The following DOCK8 variants were observed in gnomAD, a reference collection of about 807,000 sequenced individuals.
DOCK8 encodes dedicator of cytokinesis protein 8.
In DOCK8, 141 loss-of-function variants were observed where a neutral mutation model predicts 245.6. The ratio of observed to expected loss-of-function variants is 0.57; its 90% CI spans 0.50 to 0.66. The LOEUF (loss-of-function observed/expected upper bound fraction) is 0.66, where lower values mean the gene tolerates loss of function less well. Ranked by LOEUF, DOCK8 falls within the 30% of genes least tolerant of loss-of-function variation. The pLI is 0.00. For missense variants in DOCK8, 2,965 were observed against 2,603.4 expected, an observed-to-expected ratio of 1.14 and a Z score of -3.02; for synonymous variants, 1,168 against 970.2, an observed-to-expected ratio of 1.20 and a Z score of -3.79.
intron 1 of DOCK8, among the ~76,000 whole-genome samples, chr9:248,542 T>G (rs2047567170): frequency 1.6e-5 from 1 of 64,354 alleles, no homozygotes; most frequent in Non-Finnish European, 3.7e-5. Flanking sequence ...TCTTTCTTTC[T>G]TTCTTTCTCT....
chr9:294,771 C>T (rs1319209669), intron 4 of DOCK8, among the ~76,000 whole-genome samples: 1 of 152,146 alleles, frequency 6.6e-6, no homozygotes, highest in Non-Finnish European at 1.5e-5. Context: ...CTGGTAAATC[C>T]ATACAATGGA....
At chr9:425,127 C>G (rs1220182467) in intron 33 of DOCK8, among the ~76,000 whole-genome samples, 1 of 152,024 alleles carries the variant, frequency 6.6e-6, no homozygotes, top group Non-Finnish European at 1.5e-5. Context: ...TTTTTCTTTA[C>G]TTTTTTAATG....
chr9:394,272 G>C (rs1262397288), intron 24 of DOCK8, among the ~76,000 whole-genome samples: 2 of 152,170 alleles, frequency 1.3e-5, no homozygotes, highest in African/African-American at 4.8e-5. Flanking sequence ...AAATCCATCA[G>C]GGAGCTGGGG....
intron 23 of DOCK8, among the ~76,000 whole-genome samples, chr9:388,334 A>C (rs941555648): frequency 1.3e-5 from 2 of 152,208 alleles, no homozygotes; most frequent in African/African-American, 4.8e-5. Flanking sequence ...GGTTTGACTA[A>C]CCTCACAAAA....
intron 1 of DOCK8, among the ~76,000 whole-genome samples, chr9:244,206 A>T (rs1563835626): frequency 6.6e-6 from 1 of 151,366 alleles, no homozygotes; most frequent in Non-Finnish European, 1.5e-5. Context: ...AAAAAAAAAA[A>T]AAATTTTAGC....
intron 9 of DOCK8, among the ~76,000 whole-genome samples, 163 bp downstream of exon 9, chr9:328,334 T>G (rs1012182376): frequency 2.0e-5 from 3 of 152,248 alleles, no homozygotes; most frequent in African/African-American, 4.8e-5. Context: ...AGTAAACTGT[T>G]TCAGATACTA....
rs1411275471 is a variant in DOCK8 at position 400,073 on chromosome 9, CCAT to C, written c.3234+817_3234+819del. ...ACCATCACCACCTCCTTCACCATCA[CCAT>C]CACCACCACCTCCACCATCACCACC... On this transcript the variant is annotated intron_variant, in intron 26 of 47. Coordinates refer to ENST00000432829, the MANE Select transcript of DOCK8 (RefSeq NM_203447.4). Among the ~76,000 whole-genome samples the C allele has an allele frequency of 4.5e-4, 45 of 100,208 alleles. 1 individual carries two copies. The highest frequency in any genetic ancestry group is 3.0e-3 in the South Asian group (8 of 2,628). The allele number at this position is 100,208 out of a possible 152,430, so 65.7% of individuals were successfully genotyped here. A position where few individuals can be genotyped will look rare whatever the true frequency, so the allele number is the denominator to read the frequency against.
upstream of DOCK8, chr9:214,654 TTCGGCCGGAGG>T: frequency 6.2e-7 from 1 of 1,608,082 alleles, no homozygotes; most frequent in Non-Finnish European, 8.5e-7. Context: ...CCGCGCTCCC[TTCGGCCGGAGG>T]TCGGCGGCCC....
chr9:382,123 T>G (rs1203023832), intron 21 of DOCK8, among the ~76,000 whole-genome samples: 1 of 152,246 alleles, frequency 6.6e-6, no homozygotes, highest in Non-Finnish European at 1.5e-5. Flanking sequence ...AAAACCTCAC[T>G]GCATGAATTG....
chr9:458,365 C>A (rs1177981793), intron 46 of DOCK8: 1 of 152,156 alleles, frequency 6.6e-6, no homozygotes, highest in East Asian at 1.9e-4. Flanking sequence ...ATCAGCGATC[C>A]CTACCTGCAT....
intron 29 of DOCK8, 91 bp from the exon 30 acceptor site, chr9:417,977 A>G: frequency 1.5e-5 from 23 of 1,545,990 alleles, no homozygotes; most frequent in Non-Finnish European, 2.0e-5. Context: ...TGCTGACTTT[A>G]GTGACTGAGA....
intron 2 of DOCK8, among the ~76,000 whole-genome samples, chr9:281,325 C>G (rs959750662): frequency 7.9e-5 from 12 of 152,036 alleles, no homozygotes; most frequent in African/African-American, 2.9e-4. Context: ...GATATGCATA[C>G]TCTGAAAAAT....
intron 1 of DOCK8, among the ~76,000 whole-genome samples, chr9:230,924 T>G (rs1356300061): frequency 6.6e-6 from 1 of 152,064 alleles, no homozygotes; most frequent in Non-Finnish European, 1.5e-5. Flanking sequence ...CATTTGTCAA[T>G]TGTGGCTTTT....
intron 5 of DOCK8, among the ~76,000 whole-genome samples, chr9:311,708 T>G (rs1365352307): frequency 6.6e-6 from 1 of 152,202 alleles, no homozygotes; most frequent in Non-Finnish European, 1.5e-5. Flanking sequence ...TCCTCAGGAC[T>G]GGTTTGTCTG....
At chr9:280,048 G>A (rs1201885377) in intron 2 of DOCK8, among the ~76,000 whole-genome samples, 2 of 152,226 alleles carry the variant, frequency 1.3e-5, no homozygotes, top group African/African-American at 4.8e-5. Context: ...TTCTGGGGTT[G>A]TAGGAATTTT....
chr9:405,999 A>C (rs1336820195), intron 27 of DOCK8, among the ~76,000 whole-genome samples: 1 of 152,180 alleles, frequency 6.6e-6, no homozygotes, highest in Non-Finnish European at 1.5e-5. Context: ...GGAGTGGCCA[A>C]ACCCAGGGGC....
chr9:241,922 G>C (rs1450891230), intron 1 of DOCK8, among the ~76,000 whole-genome samples: 1 of 152,152 alleles, frequency 6.6e-6, no homozygotes, highest in African/African-American at 2.4e-5. Context: ...CATGGGATAG[G>C]TAAACATTTT....
chr9:379,723 C>A, intron 20 of DOCK8, 48 bp from the exon 21 acceptor site: 1 of 1,608,248 alleles, frequency 6.2e-7, no homozygotes, highest in Non-Finnish European at 8.5e-7. Flanking sequence ...ACCTCAGGCT[C>A]CTTAAGGACC....
At chr9:215,449 G>A (rs888142967) in intron 1 of DOCK8, 3 of 1,495,062 alleles carry the variant, frequency 2.0e-6, no homozygotes, top group African/African-American at 2.9e-5. Flanking sequence ...GAAGTGAAGT[G>A]GCTGAAATTA....
Sources: allele counts gnomAD v4.1 joint callset (sites outside exome capture counted in the v4.1 genomes callset), GRCh38; gene constraint gnomAD v4.1.1; transcripts MANE v1.5; gene names NCBI Gene and HGNC (gene_info 2026-07-23, HGNC 2026-07-21).